NYAP2: variants seen among roughly 807,000 people sequenced by gnomAD.
NYAP2 encodes neuronal tyrosine-phosphorylated phosphoinositide-3-kinase adaptor 2, also known as neuronal tyrosine-phosphorylated phosphoinositide-3-kinase adapter 2.
Under a neutral mutation model 50.4 loss-of-function variants are expected in NYAP2, and 23 were observed. That is an observed-to-expected ratio of 0.46 (90% CI 0.33 to 0.65). The LOEUF (loss-of-function observed/expected upper bound fraction) is 0.65. Among genes scored for constraint, NYAP2 ranks in the 30% least tolerant of loss-of-function variants. The pLI is 0.02. For synonymous variants in NYAP2, 394 were observed against 365.2 expected (o/e 1.08, Z -0.90); for missense variants, 885 against 861.0 (o/e 1.03, Z -0.35).
intron 2 of NYAP2, among the ~76,000 whole-genome samples, chr2:225,403,491 A>G (rs1300719045): frequency 6.6e-6 from 1 of 151,980 alleles, no homozygotes; most frequent in East Asian, 1.9e-4. Context: ...CTATAAGATT[A>G]TCTTGTAGGA....
At chr2:225,617,424 T>C (rs1402018357) in intron 5 of NYAP2, among the ~76,000 whole-genome samples, 4 of 151,464 alleles carry the variant, frequency 2.6e-5, no homozygotes, top group Non-Finnish European at 5.9e-5. Context: ...AGTGAAACTC[T>C]ATCAAAAAAT....
intron 4 of NYAP2, among the ~76,000 whole-genome samples, chr2:225,537,516 A>G (rs1399035419): frequency 1.3e-5 from 2 of 152,266 alleles, no homozygotes; most frequent in African/African-American, 4.8e-5. Context: ...ATTCCCCCTT[A>G]TAATAACCAT....
At chr2:225,403,774 A>G (rs559142581) in intron 2 of NYAP2, among the ~76,000 whole-genome samples, 1 of 152,108 alleles carries the variant, frequency 6.6e-6, no homozygotes, top group African/African-American at 2.4e-5. Flanking sequence ...TACTCAGATG[A>G]TACTAGTACC....
chr2:225,686,294 G>C, the NYAP2 span, among the ~76,000 whole-genome samples: 1 of 152,040 alleles, frequency 6.6e-6, no homozygotes, highest in Non-Finnish European at 1.5e-5. Context: ...TCTAGATTTT[G>C]AAATTTCATT....
intron 3 of NYAP2, among the ~76,000 whole-genome samples, chr2:225,411,417 G>T (rs190696488): frequency 4.6e-5 from 7 of 152,112 alleles, no homozygotes; most frequent in Non-Finnish European, 7.4e-5. Flanking sequence ...TAACTGATGG[G>T]GGGGCAGGAG....
At chr2:225,700,587 G>C in the NYAP2 span, 1 of 151,768 alleles carries the variant, frequency 6.6e-6, no homozygotes, top group Non-Finnish European at 1.5e-5. Flanking sequence ...GAAATAAAAT[G>C]TGTTTATGAC....
chr2:225,670,257 A>T, the NYAP2 span, among the ~76,000 whole-genome samples: 11 of 152,132 alleles, frequency 7.2e-5, no homozygotes, highest in Admixed American at 1.3e-4. Flanking sequence ...AGGTTTAACT[A>T]GAGGAAATGG....
At chr2:225,423,179 T>C (rs976259219) in intron 3 of NYAP2, among the ~76,000 whole-genome samples, 5 of 152,192 alleles carry the variant, frequency 3.3e-5, no homozygotes, top group African/African-American at 1.2e-4. Context: ...TCTGCAGTTA[T>C]ATGATTGCAT....
chr2:225,561,663 C>G (rs1225067260), intron 4 of NYAP2, among the ~76,000 whole-genome samples: 1 of 152,050 alleles, frequency 6.6e-6, no homozygotes, highest in Non-Finnish European at 1.5e-5. Context: ...TTATTGTGAT[C>G]ATGCTATTAT....
At chr2:225,674,195 G>A in the NYAP2 span, among the ~76,000 whole-genome samples, 9 of 152,088 alleles carry the variant, frequency 5.9e-5, no homozygotes. Flanking sequence ...AGGAGACTGG[G>A]GACTTGAAGA....
At chr2:225,663,984 G>T in the NYAP2 span, among the ~76,000 whole-genome samples, 3 of 152,072 alleles carry the variant, frequency 2.0e-5, no homozygotes, top group African/African-American at 7.2e-5. Flanking sequence ...GGGATCAAGT[G>T]TGCTCTCCCA....
At chr2:225,545,764 T>C (rs1021872620) in intron 4 of NYAP2, among the ~76,000 whole-genome samples, 1 of 152,162 alleles carries the variant, frequency 6.6e-6, no homozygotes, top group Admixed American at 6.5e-5. Context: ...TCTGTTGGTG[T>C]CTGGGGATTG....
chr2:225,628,481 C>T (rs1262399126), intron 6 of NYAP2, among the ~76,000 whole-genome samples: 1 of 151,854 alleles, frequency 6.6e-6, no homozygotes, highest in Non-Finnish European at 1.5e-5. Context: ...ACCACCACGC[C>T]CAGCTAAGTT....
At chr2:225,431,380 T>A (rs1695363838) in intron 3 of NYAP2, among the ~76,000 whole-genome samples, 1 of 152,220 alleles carries the variant, frequency 6.6e-6, no homozygotes, top group South Asian at 2.1e-4. Flanking sequence ...ATTTTCTAGT[T>A]GTTTTTTGGG....
intron 4 of NYAP2, among the ~76,000 whole-genome samples, chr2:225,524,187 T>C (rs895090822): frequency 3.3e-5 from 5 of 152,112 alleles, no homozygotes; most frequent in Admixed American, 2.6e-4. Context: ...ACCTCAAAAG[T>C]AGGGAAGCCA....
rs192694882 is a variant in NYAP2, at chr2:225,565,790, G to C, written c.524-16151G>C. 1.2e-4 allele frequency among the ~76,000 whole-genome samples: 19 copies of C among 152,180 alleles called. No individual in the cohort carries two copies. In the East Asian group the frequency reaches 3.5e-3, roughly 28 times the overall value. On this transcript the variant is annotated intron_variant, in intron 4 of 6. Transcript: ENST00000636099. ...CCATTTAACAGTTGAGCTCAACAAG[G>C]CTTCGTAAAGTTAGAGTTGACTTTC...
At chr2:225,658,796 G>C (rs917399097), downstream of NYAP2, among the ~76,000 whole-genome samples, 1 of 151,986 alleles carries the variant, frequency 6.6e-6, no homozygotes, top group African/African-American at 2.4e-5. Flanking sequence ...ATGAAATGTT[G>C]GAATTATTTC....
At chr2:225,509,593 C>A (rs1690773311) in intron 3 of NYAP2, among the ~76,000 whole-genome samples, 1 of 152,148 alleles carries the variant, frequency 6.6e-6, no homozygotes. Context: ...TGCCCGTTAC[C>A]CACTACACAA....
intron 3 of NYAP2, among the ~76,000 whole-genome samples, chr2:225,429,684 A>C (rs1695338288): frequency 6.6e-6 from 1 of 152,238 alleles, no homozygotes. Context: ...AAAATGATAG[A>C]TATAGCACAT....
Sources: gnomAD v4.1 joint callset for allele counts (sites outside exome capture counted in the v4.1 genomes callset) on GRCh38, gnomAD v4.1.1 for gene constraint, MANE v1.5 for transcripts, NCBI Gene and HGNC (gene_info 2026-07-23, HGNC 2026-07-21) for gene names.